Variants in ANKRD36C observed in about 807,000 individuals in gnomAD.
ANKRD36C encodes ankyrin repeat domain 36C, also known as ankyrin repeat domain-containing protein 36C.
A neutral mutation model predicts 276.4 loss-of-function variants in ANKRD36C; 61 were observed. The observed-to-expected ratio is 0.22, with a 90% CI of 0.18 to 0.27. ANKRD36C has a LOEUF of 0.27. Among genes scored for constraint, ANKRD36C ranks in the 10% least tolerant of loss-of-function variants. The pLI, the probability that ANKRD36C is intolerant of heterozygous loss-of-function variation, is 1.00. For synonymous variants in ANKRD36C, 483 were observed against 680.1 expected (o/e 0.71, Z 4.51); for missense variants, 1,447 against 2,032.3 (o/e 0.71, Z 5.54).
chr2:95,957,853 T>G (rs1678366809), intron 12 of ANKRD36C, among the ~76,000 whole-genome samples: 4 of 152,214 alleles, frequency 2.6e-5, no homozygotes, highest in African/African-American at 9.6e-5. Flanking sequence ...AAAGCCAATG[T>G]ATGCATATTT....
chr2:95,921,624 C>T (rs1232060053), exon 34 of ANKRD36C: 3 of 1,608,730 alleles, frequency 1.9e-6, no homozygotes, highest in Non-Finnish European at 1.7e-6. Context: ...AGATTTTTCT[C>T]CATCCTTTAT....
chr2:95,989,705 T>C (rs1181869047), intron 1 of ANKRD36C, among the ~76,000 whole-genome samples: 1 of 152,344 alleles, frequency 6.6e-6, no homozygotes, highest in South Asian at 2.1e-4. Context: ...ATTTTTACAG[T>C]GTGATACTTA....
At chr2:95,929,598 C>T (rs1677509814) in intron 24 of ANKRD36C, among the ~76,000 whole-genome samples, 1 of 151,610 alleles carries the variant, frequency 6.6e-6, no homozygotes. Flanking sequence ...GAGTCCAACT[C>T]ATACACCTGG....
At chr2:95,915,409 A>G in intron 38 of ANKRD36C, among the ~76,000 whole-genome samples, 1 of 151,516 alleles carries the variant, frequency 6.6e-6, no homozygotes, top group South Asian at 2.1e-4. Context: ...AAAATCAAAT[A>G]TTGTTTATGG....
intron 44 of ANKRD36C, among the ~76,000 whole-genome samples, 181 bp from the exon 61 acceptor site, chr2:95,895,771 G>C (rs919694042): frequency 3.8e-4 from 57 of 151,112 alleles, no homozygotes; most frequent in Non-Finnish European, 6.5e-4. Flanking sequence ...AGGGAACACA[G>C]GCTCCATGAA....
At chr2:95,868,399 A>G (rs534792519) in intron 59 of ANKRD36C, among the ~76,000 whole-genome samples, 113 of 151,994 alleles carry the variant, frequency 7.4e-4, no homozygotes, top group African/African-American at 2.5e-3. Flanking sequence ...TTAATTTCCA[A>G]TTAGCGGTGT....
rs1255390862 is a variant in ANKRD36C at position 95,980,636 on chromosome 2, G to A, written c.731+12C>T. On this transcript the variant is annotated intron_variant, in intron 5 of 66. Transcript: ENST00000456556. ...ATTTAGTGTTCATTAGCCTTTTTAT[G>A]TAAAGACTTACACTCTGTTCTTAGC... is the stretch of plus-strand genomic sequence containing the variant. 5 of 1,607,976 alleles carry A rather than the reference G, an allele frequency of 3.1e-6. No homozygotes were observed. The highest frequency in any genetic ancestry group is 4.2e-6 in the Non-Finnish European group (5 of 1,177,046).
intron 59 of ANKRD36C, among the ~76,000 whole-genome samples, chr2:95,870,517 A>C (rs1222088763): frequency 6.6e-6 from 1 of 152,194 alleles, no homozygotes; most frequent in Non-Finnish European, 1.5e-5. Context: ...CCATCTGTAC[A>C]TCACCATCAT....
At chr2:95,912,293 A>C (rs754050218) in exon 42 of ANKRD36C, 8 of 1,570,762 alleles carry the variant, frequency 5.1e-6, no homozygotes, top group Non-Finnish European at 6.9e-6. Context: ...TATTCGAAAA[A>C]GAATCTTTCT....
intron 59 of ANKRD36C, among the ~76,000 whole-genome samples, chr2:95,873,596 GA>G (rs1230904399): frequency 6.6e-6 from 1 of 152,196 alleles, no homozygotes; most frequent in Non-Finnish European, 1.5e-5. Flanking sequence ...CATTCCCTTT[GA>G]AAACTGGCAC....
chr2:95,873,664 G>A (rs1029115086), intron 59 of ANKRD36C, among the ~76,000 whole-genome samples: 24 of 152,238 alleles, frequency 1.6e-4, no homozygotes, highest in Non-Finnish European at 3.1e-4. Flanking sequence ...CATAGTGTTG[G>A]AAGTTCTGGC....
intron 24 of ANKRD36C, among the ~76,000 whole-genome samples, 182 bp downstream of exon 24, chr2:95,935,272 A>C (rs77302725): frequency 4.7e-5 from 7 of 149,202 alleles, no homozygotes; most frequent in South Asian, 2.1e-4. Flanking sequence ...ACATTTTTAA[A>C]ATTTCTTTTC....
chr2:95,990,884 TGTACATTAAAAA>T (rs1325659962), intron 1 of ANKRD36C, among the ~76,000 whole-genome samples: 1 of 152,220 alleles, frequency 6.6e-6, no homozygotes, highest in Admixed American at 6.5e-5. Flanking sequence ...CTTTAAAACG[TGTACATTAAAAA>T]TAAAACGCTG....
intron 44 of ANKRD36C, among the ~76,000 whole-genome samples, chr2:95,892,111 A>T (rs1676383686): frequency 6.6e-6 from 1 of 151,546 alleles, no homozygotes; most frequent in African/African-American, 2.4e-5. Flanking sequence ...CTAAAATAAA[A>T]CCGTGTCAAT....
chr2:95,927,935 T>C (rs530770896), intron 26 of ANKRD36C, among the ~76,000 whole-genome samples: 3 of 151,848 alleles, frequency 2.0e-5, no homozygotes, highest in Admixed American at 6.6e-5. Flanking sequence ...ACCTTGGATA[T>C]ATGTTTCCTG....
intron 6 of ANKRD36C, among the ~76,000 whole-genome samples, chr2:95,963,469 T>A (rs1348105617): frequency 2.1e-4 from 31 of 149,746 alleles, no homozygotes; most frequent in Non-Finnish European, 3.7e-4. Context: ...CATCCAAAAG[T>A]TAGCTCCTTG....
At chr2:95,851,538 A>G (rs1316864321) in intron 66 of ANKRD36C, 156 bp downstream of exon 86, 18 of 696,162 alleles carry the variant, frequency 2.6e-5, no homozygotes, top group South Asian at 2.0e-4. Flanking sequence ...CTCAGGTACC[A>G]TCCGCAAGAT....
intron 40 of ANKRD36C, among the ~76,000 whole-genome samples, chr2:95,913,702 C>A (rs1677002782): frequency 6.6e-6 from 1 of 151,428 alleles, no homozygotes; most frequent in African/African-American, 2.4e-5. Flanking sequence ...CTCCTTAGTT[C>A]TCCTACAGTG....
intron 3 of ANKRD36C, among the ~76,000 whole-genome samples, chr2:95,984,024 C>A (rs1218648816): frequency 6.6e-6 from 1 of 152,142 alleles, no homozygotes; most frequent in Non-Finnish European, 1.5e-5. Flanking sequence ...AGCTTACATG[C>A]ATTCTAATGG....
Sources: allele counts gnomAD v4.1 joint callset (sites outside exome capture counted in the v4.1 genomes callset), GRCh38; gene constraint gnomAD v4.1.1; transcripts MANE v1.5; gene names NCBI Gene and HGNC (gene_info 2026-07-23, HGNC 2026-07-21).